FANCD2: variants seen among roughly 807,000 people sequenced by gnomAD.
FANCD2 encodes the protein Fanconi anemia group D2 protein.
FANCD2 carries 131 observed loss-of-function variants against 192.3 expected under a neutral mutation model. That is an observed-to-expected ratio of 0.68 (90% CI 0.59 to 0.79). FANCD2 has a LOEUF of 0.79. FANCD2 is among the 30% of genes least tolerant of loss of function. FANCD2 has a pLI of 0.00. For missense variants in FANCD2, 1,508 were observed against 1,701.6 expected, an observed-to-expected ratio of 0.89 and a Z score of 2.00; for synonymous variants, 524 against 612.5, an observed-to-expected ratio of 0.86 and a Z score of 2.13.
intron 42 of FANCD2, among the ~76,000 whole-genome samples, chr3:10,097,093 G>T (rs12152520): frequency 0.23 from 34,831 of 152,066 alleles, 5,092 homozygotes; most frequent in African/African-American, 0.42. Flanking sequence ...AAAGGGGAGG[G>T]AGTGTGCGAA....
At chr3:10,040,039 T>C in intron 9 of FANCD2, 194 bp downstream of exon 9, 1 of 593,444 alleles carries the variant, frequency 1.7e-6, no homozygotes, top group Non-Finnish European at 2.8e-6. Context: ...CTTTCTTTTT[T>C]TTTTTTTTTT....
chr3:10,032,466 G>C (rs1465536622), intron 2 of FANCD2: 1 of 271,536 alleles, frequency 3.7e-6, no homozygotes. Flanking sequence ...TGGAGGGGGG[G>C]AATGGGGGTG....
At chr3:10,035,689 C>G (rs932060176) in intron 6 of FANCD2, among the ~76,000 whole-genome samples, 1 of 152,106 alleles carries the variant, frequency 6.6e-6, no homozygotes, top group Admixed American at 6.5e-5. Context: ...CCCTCCACCC[C>G]ATTCTCCATT....
chr3:10,076,455 GAATA>G (rs1320260512), intron 29 of FANCD2, among the ~76,000 whole-genome samples: 1 of 152,106 alleles, frequency 6.6e-6, no homozygotes, highest in African/African-American at 2.4e-5. Context: ...TTACTATTCT[GAATA>G]TTTATTTTGG....
intron 10 of FANCD2, 106 bp from the exon 11 acceptor site, chr3:10,042,453 G>A (rs1235734084): frequency 2.1e-6 from 2 of 942,886 alleles, no homozygotes; most frequent in Non-Finnish European, 3.5e-6. Context: ...TAAGTGGGAA[G>A]ATGGAGTAAG....
intron 38 of FANCD2, among the ~76,000 whole-genome samples, chr3:10,092,490 C>T (rs1158046595): frequency 1.3e-5 from 2 of 149,986 alleles, no homozygotes; most frequent in Admixed American, 6.7e-5. Flanking sequence ...TATTTAATGA[C>T]TCCTTCCATC....
At position 10,092,246 on chromosome 3, in the gene FANCD2, G is replaced by T; in HGVS notation, c.3843G>T (p.Leu1281Phe). The T allele has an allele frequency of 6.2e-7, 1 of 1,611,072 alleles. No homozygotes were observed. The highest frequency in any genetic ancestry group is 1.1e-5 in the South Asian group (1 of 91,004). ...GAGACTTCAGTATCCTCATCAACTT[G>T]ATAAAGGTGAGTATGGAGACTGCTT... Reference protein sequence around the residue: ...AVRDFSILINLIKVFDSHPVL... With the variant: ...AVRDFSILINFIKVFDSHPVL... The change falls in exon 38 of 44, where the codon TTG (leucine) becomes TTT (phenylalanine). Residue 1281 changes from leucine (L) to phenylalanine (F), a missense_variant. Transcript: ENST00000675286.
rs373600764 is a variant in FANCD2 at position 10,036,317 on chromosome 3, T to C, written c.469T>C (p.Leu157=). The C allele has an allele frequency of 4.3e-6, 7 of 1,613,280 alleles. No homozygotes were observed. In the African/African-American group the frequency reaches 9.3e-5, roughly 22 times the overall value. The part of the protein sequence containing the change: ...PAIIKTLFEK[L]PEYFFENKNS... ...CATTATCAAAACCTTATTTGAGAAG[T>C]TGCCAGAATATTTTTTTGAAAAGTA... The change falls in exon 7 of 44, where the codon TTG becomes CTG. Residue 157 remains leucine (L), a synonymous_variant. Transcript: ENST00000675286.
intron 29 of FANCD2, among the ~76,000 whole-genome samples, chr3:10,076,126 GTATTTCAC>G (rs1371885343): frequency 6.6e-6 from 1 of 151,326 alleles, no homozygotes; most frequent in Non-Finnish European, 1.5e-5. Flanking sequence ...CAGTGAGACT[GTATTTCAC>G]CCATTCTGCT....
intron 37 of FANCD2, 58 bp downstream of exon 37, chr3:10,090,443 A>ATTTTT (rs773716319): frequency 4.9e-4 from 167 of 342,108 alleles, no homozygotes; most frequent in East Asian, 8.9e-4. Flanking sequence ...GAAGTTGCTG[A>ATTTTT]TTTTTTTTTT....
intron 14 of FANCD2, chr3:10,046,308 C>G (rs1323789801): frequency 2.5e-6 from 1 of 396,214 alleles, no homozygotes; most frequent in Non-Finnish European, 4.7e-6. Context: ...CCGCCTTGGC[C>G]TCCCAAAGTG....
chr3:10,045,272 C>T (rs1365839969), intron 14 of FANCD2, among the ~76,000 whole-genome samples: 2 of 151,722 alleles, frequency 1.3e-5, no homozygotes, highest in African/African-American at 4.8e-5. Context: ...GGGTTCACGC[C>T]ATTCTCCCGC....
At chr3:10,054,361 ATATATACGTGTATATACATATATATATG>A (rs1559382988) in intron 18 of FANCD2, among the ~76,000 whole-genome samples, 9 of 126,202 alleles carry the variant, frequency 7.1e-5, no homozygotes, top group African/African-American at 2.5e-4. Context: ...ACGTATATAT[ATATATACGTGTATATACATATATATATG>A]TATATACGTA....
intron 26 of FANCD2, among the ~76,000 whole-genome samples, chr3:10,068,455 A>G (rs1022473965): frequency 5.3e-5 from 8 of 152,170 alleles, no homozygotes; most frequent in African/African-American, 1.9e-4. Context: ...AAAGAGCACT[A>G]TAATGAGTAC....
At chr3:10,073,782 A>G (rs1474192414) in intron 28 of FANCD2, among the ~76,000 whole-genome samples, 1 of 152,162 alleles carries the variant, frequency 6.6e-6, no homozygotes, top group Admixed American at 6.5e-5. Context: ...TATTAGGTAT[A>G]GTTTCTGTAA....
intron 14 of FANCD2, 117 bp from the exon 15 acceptor site, chr3:10,046,463 G>T (rs1301343926): frequency 6.5e-7 from 1 of 1,533,068 alleles, no homozygotes; most frequent in African/African-American, 1.4e-5. Context: ...GGAGTGTGTG[G>T]AACAAATGAG....
At chr3:10,075,913 A>G (rs1195695983) in intron 29 of FANCD2, among the ~76,000 whole-genome samples, 14 of 151,062 alleles carry the variant, frequency 9.3e-5, no homozygotes, top group Admixed American at 3.3e-4. Context: ...TGTATTTTTA[A>G]TAGAGACGAG....
chr3:10,072,253 G>A (rs1693293503), intron 26 of FANCD2, among the ~76,000 whole-genome samples: 1 of 151,238 alleles, frequency 6.6e-6, no homozygotes, highest in Admixed American at 6.6e-5. Context: ...TATCTCATGT[G>A]CGCCATAAAT....
At chr3:10,027,055 A>G in intron 1 of FANCD2, among the ~76,000 whole-genome samples, 1 of 152,200 alleles carries the variant, frequency 6.6e-6, no homozygotes, top group Non-Finnish European at 1.5e-5. Flanking sequence ...TGGGAAATAA[A>G]TGAATTATTA....
Sources: gnomAD v4.1 joint callset for allele counts (sites outside exome capture counted in the v4.1 genomes callset) on GRCh38, gnomAD v4.1.1 for gene constraint, MANE v1.5 for transcripts, NCBI Gene and HGNC (gene_info 2026-07-23, HGNC 2026-07-21) for gene names.